GRIN2A: variants seen among roughly 807,000 people sequenced by gnomAD.
GRIN2A encodes glutamate receptor ionotropic, NMDA 2A.
In GRIN2A, 22 loss-of-function variants were observed where a neutral mutation model predicts 113.4. That is an observed-to-expected ratio of 0.19 (90% CI 0.14 to 0.28). The LOEUF (loss-of-function observed/expected upper bound fraction) is 0.28. GRIN2A is among the 10% of genes least tolerant of loss of function. The probability of loss-of-function intolerance (pLI) is 1.00; values close to 1 mark genes in which losing one functional copy is unlikely to be tolerated. For missense variants in GRIN2A, 1,502 were observed against 1,887.0 expected, an observed-to-expected ratio of 0.80 and a Z score of 3.78; for synonymous variants, 827 against 738.4, an observed-to-expected ratio of 1.12 and a Z score of -1.94.
intron 10 of GRIN2A, among the ~76,000 whole-genome samples, chr16:9,814,683 A>T (rs890284802): frequency 2.6e-5 from 4 of 152,170 alleles, no homozygotes; most frequent in Non-Finnish European, 5.9e-5. Flanking sequence ...CCTCTCAAAG[A>T]CATGGACTAC....
chr16:9,890,110 G>C (rs1875052064), intron 4 of GRIN2A, among the ~76,000 whole-genome samples: 1 of 152,134 alleles, frequency 6.6e-6, no homozygotes, highest in African/African-American at 2.4e-5. Flanking sequence ...GGGTCACTCA[G>C]GCCTCCATTT....
chr16:9,913,217 T>C (rs2044179934), intron 3 of GRIN2A, among the ~76,000 whole-genome samples: 1 of 152,240 alleles, frequency 6.6e-6, no homozygotes, highest in South Asian at 2.1e-4. Context: ...CGGATGGCAG[T>C]CCTTTAAAAC....
At chr16:10,016,712 T>C (rs1465795848) in intron 2 of GRIN2A, among the ~76,000 whole-genome samples, 1 of 152,224 alleles carries the variant, frequency 6.6e-6, no homozygotes, top group Non-Finnish European at 1.5e-5. Context: ...CATGCACTGC[T>C]TCTCCACATT....
At chr16:9,968,655 G>A (rs1567206707) in intron 2 of GRIN2A, among the ~76,000 whole-genome samples, 1 of 150,762 alleles carries the variant, frequency 6.6e-6, no homozygotes, top group Non-Finnish European at 1.5e-5. Context: ...TTACCCAGGC[G>A]GGAGTGCGGT....
chr16:9,875,965 T>C (rs2043356897), intron 4 of GRIN2A, among the ~76,000 whole-genome samples: 1 of 152,150 alleles, frequency 6.6e-6, no homozygotes, highest in Non-Finnish European at 1.5e-5. Context: ...ATAAGTTCCC[T>C]GTTGGTAGAA....
At chr16:9,843,459 T>A (rs1045616616) in intron 5 of GRIN2A, among the ~76,000 whole-genome samples, 1 of 152,164 alleles carries the variant, frequency 6.6e-6, no homozygotes, top group Non-Finnish European at 1.5e-5. Flanking sequence ...CCTTTCAAAG[T>A]GCTGGGATTA....
Position 10,028,212 on chromosome 16 carries a change from C to T in GRIN2A, c.415-89661G>A, listed in dbSNP as rs74469651. On this transcript the variant is annotated intron_variant, in intron 2 of 12. Coordinates refer to ENST00000330684, the MANE Select transcript of GRIN2A (RefSeq NM_001134407.3). ...ACTGTGATTGTGCCCATTTCAAAGACGAGCAACCTGGGACACACAGAGTGT... is the reference window on the plus strand; with the variant it reads ...ACTGTGATTGTGCCCATTTCAAAGATGAGCAACCTGGGACACACAGAGTGT... Among the ~76,000 whole-genome samples, 158 of 152,292 alleles carry T rather than the reference C, an allele frequency of 1.0e-3. 1 individual carries two copies. The highest frequency in any genetic ancestry group is 1.5e-3 in the Non-Finnish European group (104 of 68,038).
At chr16:9,781,714 T>C (rs1346003840) in intron 11 of GRIN2A, among the ~76,000 whole-genome samples, 1 of 128,090 alleles carries the variant, frequency 7.8e-6, no homozygotes, top group East Asian at 2.1e-4. Flanking sequence ...CTCCTAGAGA[T>C]CTTTAGAACC....
At chr16:9,797,173 T>C (rs544433060) in intron 11 of GRIN2A, among the ~76,000 whole-genome samples, 64 of 152,382 alleles carry the variant, frequency 4.2e-4, no homozygotes, top group African/African-American at 1.5e-3. Flanking sequence ...CTCCCACCTG[T>C]AGCCTGGCAT....
intron 11 of GRIN2A, among the ~76,000 whole-genome samples, chr16:9,773,652 C>G (rs1184166137): frequency 1.3e-5 from 2 of 152,200 alleles, no homozygotes; most frequent in Non-Finnish European, 2.9e-5. Flanking sequence ...ACTCAAAGCC[C>G]TCTCCTTTTG....
At chr16:9,895,402 G>A (rs192321060) in intron 3 of GRIN2A, among the ~76,000 whole-genome samples, 1 of 152,320 alleles carries the variant, frequency 6.6e-6, no homozygotes, top group Admixed American at 6.5e-5. Flanking sequence ...AATAAGTTGG[G>A]GGCAAGTGGG....
At chr16:10,074,702 T>C (rs1013555922) in intron 2 of GRIN2A, among the ~76,000 whole-genome samples, 1 of 152,152 alleles carries the variant, frequency 6.6e-6, no homozygotes, top group African/African-American at 2.4e-5. Flanking sequence ...AGACAAAAAG[T>C]AGATCCATGG....
At chr16:10,055,033 G>C (rs1439575795) in intron 2 of GRIN2A, among the ~76,000 whole-genome samples, 1 of 84,246 alleles carries the variant, frequency 1.2e-5, no homozygotes, top group Non-Finnish European at 2.2e-5. Context: ...AGGCAACAGA[G>C]CGAGACTCTA....
chr16:9,926,567 C>G (rs1262191551), intron 3 of GRIN2A, among the ~76,000 whole-genome samples: 1 of 152,176 alleles, frequency 6.6e-6, no homozygotes, highest in African/African-American at 2.4e-5. Flanking sequence ...TGTTATTGCT[C>G]ATTCTAATAT....
chr16:10,017,292 A>G (rs1009358748), intron 2 of GRIN2A, among the ~76,000 whole-genome samples: 3 of 152,190 alleles, frequency 2.0e-5, no homozygotes, highest in African/African-American at 7.2e-5. Context: ...ATAGATAATC[A>G]TTACACGTTG....
intron 2 of GRIN2A, among the ~76,000 whole-genome samples, chr16:10,068,854 T>A (rs2047697679): frequency 6.6e-6 from 1 of 151,872 alleles, no homozygotes; most frequent in Non-Finnish European, 1.5e-5. Flanking sequence ...ATGGCAGAGT[T>A]TTGGGGATTG....
chr16:9,878,411 C>T (rs2043413907), intron 4 of GRIN2A, among the ~76,000 whole-genome samples: 1 of 152,174 alleles, frequency 6.6e-6, no homozygotes, highest in African/African-American at 2.4e-5. Flanking sequence ...GATATATCAC[C>T]TTGTTTAATT....
chr16:9,978,606 C>T (rs1019167135), intron 2 of GRIN2A, among the ~76,000 whole-genome samples: 1 of 152,112 alleles, frequency 6.6e-6, no homozygotes, highest in Non-Finnish European at 1.5e-5. Context: ...TCTGTAAGAA[C>T]ATTACATTTC....
intron 2 of GRIN2A, among the ~76,000 whole-genome samples, chr16:10,058,370 T>C (rs375219513): frequency 2.2e-4 from 34 of 152,306 alleles, no homozygotes; most frequent in East Asian, 7.7e-4. Context: ...ACAGTCATAA[T>C]GATGTTTTAA....
Sources: gnomAD v4.1 joint callset for allele counts (sites outside exome capture counted in the v4.1 genomes callset) on GRCh38, gnomAD v4.1.1 for gene constraint, MANE v1.5 for transcripts, NCBI Gene and HGNC (gene_info 2026-07-23, HGNC 2026-07-21) for gene names.